The following GTPBP4 variants were observed in gnomAD, a reference collection of about 807,000 sequenced individuals.
GTPBP4 encodes the protein GTP-binding protein 4.
A neutral mutation model predicts 81.7 loss-of-function variants in GTPBP4; 15 were observed. The ratio of observed to expected loss-of-function variants is 0.18; its 90% CI spans 0.12 to 0.28. The LOEUF is 0.28. Ranked by LOEUF, GTPBP4 falls within the 10% of genes least tolerant of loss-of-function variation. The pLI is 1.00. For missense variants in GTPBP4, 847 were observed against 793.8 expected (o/e 1.07, Z -0.81); for synonymous variants, 272 against 274.6 (o/e 0.99, Z 0.09).
chr10:1,011,570 G>C (rs1217788540), intron 13 of GTPBP4, among the ~76,000 whole-genome samples: 1 of 151,816 alleles, frequency 6.6e-6, no homozygotes. Context: ...TACAATACTT[G>C]CCATCTGCAT....
chr10:994,160 C>T (rs1047567998), intron 2 of GTPBP4, among the ~76,000 whole-genome samples: 1 of 152,182 alleles, frequency 6.6e-6, no homozygotes, highest in African/African-American at 2.4e-5. Flanking sequence ...GACACAGTTG[C>T]TCAGTAGATG....
chr10:1,002,713 T>C (rs1831657816), intron 8 of GTPBP4, among the ~76,000 whole-genome samples: 1 of 152,214 alleles, frequency 6.6e-6, no homozygotes, highest in Admixed American at 6.5e-5. Context: ...TTTTTTTTCT[T>C]CAACACTTTG....
At chr10:1,006,183 T>C (rs1381433977) in intron 9 of GTPBP4, among the ~76,000 whole-genome samples, 1 of 152,212 alleles carries the variant, frequency 6.6e-6, no homozygotes, top group Non-Finnish European at 1.5e-5. Flanking sequence ...CTTTTAATAT[T>C]TCGGTAGCAA....
intron 8 of GTPBP4, 140 bp from the exon 9 acceptor site, chr10:1,005,678 T>A (rs1185371018): frequency 1.6e-6 from 1 of 610,996 alleles, no homozygotes; most frequent in Non-Finnish European, 2.9e-6. Context: ...TAACTGTTTT[T>A]AGGATATGTC....
rs1364118858 is a variant in GTPBP4, at chr10:991,719, G to A, written c.49-770G>A. Among the ~76,000 whole-genome samples, 8 of 138,320 alleles carry A rather than the reference G, an allele frequency of 5.8e-5. 1 individual carries two copies. Among genetic ancestry groups the A allele is most frequent in the South Asian group, 2.3e-4 (1 of 4,296 alleles). 90.7% of individuals were successfully genotyped at this position (138,320 alleles called of 152,430 possible). ...TTTTTTTTTTTTTTTTTTTTGAGAC[G>A]GAGTCTCGCTCTGTCGCCCAGGCTG... is the stretch of plus-strand genomic sequence containing the variant. On this transcript the variant is annotated intron_variant, in intron 1 of 16. Transcript: ENST00000360803.
chr10:995,579 C>T (rs77725153), intron 2 of GTPBP4, among the ~76,000 whole-genome samples: 7,808 of 152,052 alleles, frequency 0.051, 660 homozygotes, highest in African/African-American at 0.18. Flanking sequence ...GAAATAACAG[C>T]AAATTTTTAG....
At chr10:1,007,203 C>A in intron 10 of GTPBP4, 75 bp downstream of exon 10, 2 of 797,408 alleles carry the variant, frequency 2.5e-6, no homozygotes, top group Non-Finnish European at 4.4e-6. Flanking sequence ...TTTCCAGAAG[C>A]CTCCCATCCA....
chr10:1,014,193 T>C, intron 14 of GTPBP4, 54 bp from the exon 15 acceptor site: 1 of 1,158,054 alleles, frequency 8.6e-7, no homozygotes, highest in Non-Finnish European at 1.3e-6. Flanking sequence ...TGAAGTTTTT[T>C]TCAACATTTC....
At position 1,016,054 on chromosome 10, in the gene GTPBP4, C is replaced by T. The variant is rs112275815; in HGVS notation, c.1752+158C>T. On this transcript the variant is annotated intron_variant, in intron 16 of 16. Transcript: ENST00000360803. ...TTGTGGCATCCTTTAGAGGAGAGCACGGGTCAGGGTGCAGGTGGATGCCCC... is the reference window on the plus strand; with the variant it reads ...TTGTGGCATCCTTTAGAGGAGAGCATGGGTCAGGGTGCAGGTGGATGCCCC... Among the ~76,000 whole-genome samples the T allele has an allele frequency of 3.3e-3, 497 of 152,316 alleles. 2 individuals carry two copies. Among genetic ancestry groups the T allele is most frequent in the African/African-American group, 0.01 (417 of 41,560 alleles).
Position 1,019,638 on chromosome 10 carries a change from C to G in GTPBP4, c.*2411C>G, listed in dbSNP as rs766204721. The stretch of plus-strand genomic sequence containing the variant: ...CCAGGGGGTGACTTTGACTTCACCC[C>G]TCGCCTCCCTCTCCAGCAGCTCCCA... On this transcript the variant is annotated 3_prime_UTR_variant, in exon 17 of 17. Coordinates refer to ENST00000360803, the MANE Select transcript of GTPBP4 (RefSeq NM_012341.3). The G allele has an allele frequency of 3.7e-6, 6 of 1,614,034 alleles. No individual in the cohort carries two copies. Among genetic ancestry groups the G allele is most frequent in the Middle Eastern group, 1.6e-4 (1 of 6,062 alleles).
chr10:1,001,879 A>G (rs1831640550), intron 8 of GTPBP4, among the ~76,000 whole-genome samples: 1 of 150,648 alleles, frequency 6.6e-6, no homozygotes. Context: ...GTTGGATGAC[A>G]TGTTCTGTAG....
chr10:1,012,007 G>A (rs549176976), intron 13 of GTPBP4, among the ~76,000 whole-genome samples: 1 of 152,312 alleles, frequency 6.6e-6, no homozygotes, highest in South Asian at 2.1e-4. Context: ...TTGCCTCATT[G>A]GGGGGTGATA....
intron 13 of GTPBP4, among the ~76,000 whole-genome samples, chr10:1,011,568 T>TTGCCA (rs1367560614): frequency 6.6e-6 from 1 of 152,174 alleles, no homozygotes; most frequent in African/African-American, 2.4e-5. Flanking sequence ...TATACAATAC[T>TTGCCA]TGCCATCTGC....
At position 997,048 on chromosome 10, in the gene GTPBP4, T is replaced by G. The variant is rs1831548436; in HGVS notation, c.461-160T>G. On this transcript the variant is annotated intron_variant, in intron 4 of 16. Transcript: ENST00000360803. ...GCAATTGAATATACTATGTGTATAC[T>G]ATTACTTTCTGCAACTATTTTCTCC... is the stretch of plus-strand genomic sequence containing the variant. 4 of 641,616 alleles carry G rather than the reference T, an allele frequency of 6.2e-6. No homozygotes were observed. The South Asian group carries it at 7.4e-5, about 12-fold the overall frequency. 39.7% of individuals were successfully genotyped at this position (641,616 alleles called of 1,614,324 possible).
chr10:1,006,055 G>A, intron 9 of GTPBP4, 148 bp downstream of exon 9: 1 of 568,224 alleles, frequency 1.8e-6, no homozygotes, highest in South Asian at 2.2e-5. Context: ...CGAGAGTGGG[G>A]CGTGAAGACA....
In GTPBP4 at chr10:1,007,136, G is replaced by C. The variant is rs754187618; in HGVS notation, c.1113+8G>C. On this transcript the variant is annotated splice_region_variant and intron_variant, in intron 10 of 16. Transcript: ENST00000360803. ...ACCAGGAGGGACGATAAGGTAAGAC[G>C]GCCCCTGGGACAGCCGTGGGCTCAC... 1 of 1,477,230 alleles carries C rather than the reference G, an allele frequency of 6.8e-7. No homozygotes were observed. The highest frequency in any genetic ancestry group is 9.5e-7 in the Non-Finnish European group (1 of 1,055,172). 91.5% of individuals were successfully genotyped at this position (1,477,230 alleles called of 1,614,324 possible). A position where few individuals can be genotyped will look rare whatever the true frequency, so the allele number is the denominator to read the frequency against.
In GTPBP4 at chr10:1,019,697, C is replaced by T. The variant is rs267602352; in HGVS notation, c.*2470C>T. On this transcript the variant is annotated 3_prime_UTR_variant, in exon 17 of 17. Coordinates refer to ENST00000360803, the MANE Select transcript of GTPBP4 (RefSeq NM_012341.3). ...CCTGGGACAGGTAGAGGATGCTTTTCGTTTCACTGGGATCCGGGTTCAGAG... is the reference window on the plus strand; with the variant it reads ...CCTGGGACAGGTAGAGGATGCTTTTTGTTTCACTGGGATCCGGGTTCAGAG... The T allele has an allele frequency of 5.6e-5, 91 of 1,613,894 alleles. No individual in the cohort carries two copies. The Middle Eastern group carries it at 9.9e-4, about 17-fold the overall frequency.
chr10:992,713 C>T (rs1278577870), intron 2 of GTPBP4, 54 bp downstream of exon 2: 1 of 1,064,368 alleles, frequency 9.4e-7, no homozygotes, highest in African/African-American at 1.6e-5. Flanking sequence ...TTCAGAGAAC[C>T]AGTGTTTAAC....
chr10:1,013,986 C>A (rs1831928137), intron 14 of GTPBP4, among the ~76,000 whole-genome samples: 2 of 152,186 alleles, frequency 1.3e-5, no homozygotes, highest in Non-Finnish European at 2.9e-5. Context: ...GTCACTCTCT[C>A]CCCCGTGTTG....
Sources: gnomAD v4.1 joint callset for allele counts (sites outside exome capture counted in the v4.1 genomes callset) on GRCh38, gnomAD v4.1.1 for gene constraint, MANE v1.5 for transcripts, NCBI Gene and HGNC (gene_info 2026-07-23, HGNC 2026-07-21) for gene names.